CEP85L: variants seen among roughly 807,000 people sequenced by gnomAD.
CEP85L encodes the protein centrosomal protein of 85 kDa-like.
CEP85L carries 60 observed loss-of-function variants against 100.3 expected under a neutral mutation model. The observed-to-expected ratio is 0.60, with a 90% CI of 0.49 to 0.74. CEP85L has a LOEUF of 0.74. CEP85L is among the 30% of genes least tolerant of loss of function. CEP85L has a pLI of 0.00. For missense variants in CEP85L, 973 were observed against 936.2 expected (o/e 1.04, Z -0.51); for synonymous variants, 319 against 322.7 (o/e 0.99, Z 0.12).
chr6:118,551,477 G>T (rs1372607807), intron 3 of CEP85L, among the ~76,000 whole-genome samples: 1 of 151,032 alleles, frequency 6.6e-6, no homozygotes, highest in Non-Finnish European at 1.5e-5. Flanking sequence ...ACTCCTACAG[G>T]GTTAAGAAGA....
chr6:118,463,913 T>G lies in CEP85L; in HGVS notation c.*1492A>C, dbSNP rs1440020357. 1 of 152,128 alleles carries G rather than the reference T, an allele frequency of 6.6e-6. No homozygotes were observed. Among genetic ancestry groups the G allele is most frequent in the Non-Finnish European group, 1.5e-5 (1 of 67,970 alleles). 9.4% of individuals were successfully genotyped at this position (152,128 alleles called of 1,614,324 possible). A position where few individuals can be genotyped will look rare whatever the true frequency, so the allele number is the denominator to read the frequency against. ...TTAAATATTTAAGAAAAATCTTTCC[T>G]AGGAGAGCCTTTATTCTAGTATATA... On this transcript the variant is annotated 3_prime_UTR_variant, in exon 13 of 13. Coordinates refer to ENST00000368491, the MANE Select transcript of CEP85L (RefSeq NM_001042475.3).
intron 1 of CEP85L, among the ~76,000 whole-genome samples, chr6:118,707,406 A>T (rs966912460): frequency 1.3e-5 from 2 of 151,706 alleles, no homozygotes; most frequent in Non-Finnish European, 2.9e-5. Flanking sequence ...GTTGCCCAGG[A>T]TGGAATGAAA....
At chr6:118,625,527 G>A (rs1419416393) in intron 2 of CEP85L, among the ~76,000 whole-genome samples, 1 of 152,168 alleles carries the variant, frequency 6.6e-6, no homozygotes, top group Admixed American at 6.5e-5. Flanking sequence ...ATTCCCTGAT[G>A]ACCCTACAAA....
In CEP85L at chr6:118,566,444, G is replaced by A. The variant is rs1337643381; in HGVS notation, c.233-128C>T. 5.1e-6 allele frequency: 4 copies of A among 790,088 alleles called. No individual in the cohort carries two copies. The East Asian group carries it at 1.1e-4, about 21-fold the overall frequency. The allele number at this position is 790,088 out of a possible 1,614,324, so 48.9% of individuals were successfully genotyped here. On this transcript the variant is annotated intron_variant, in intron 2 of 12. Transcript: ENST00000368491. Reference sequence around the variant, plus strand: ...CACAAGCTTTTTTTTTTGAGACGTAGTTTTAGCTTGTTGCCTAGGCTGGAG... The same window carrying A: ...CACAAGCTTTTTTTTTTGAGACGTAATTTTAGCTTGTTGCCTAGGCTGGAG...
intron 2 of CEP85L, among the ~76,000 whole-genome samples, chr6:118,575,975 C>A (rs1487786298): frequency 6.6e-6 from 1 of 152,114 alleles, no homozygotes; most frequent in African/African-American, 2.4e-5. Context: ...GAAGCTCTCC[C>A]CTTCCCAAGG....
chr6:118,662,038 T>C (rs1187791772), intron 1 of CEP85L, among the ~76,000 whole-genome samples: 1 of 152,142 alleles, frequency 6.6e-6, no homozygotes, highest in Non-Finnish European at 1.5e-5. Flanking sequence ...CATAAAGCCA[T>C]TGTGAGGAAT....
intron 1 of CEP85L, among the ~76,000 whole-genome samples, chr6:118,699,187 T>C (rs1045647757): frequency 6.6e-6 from 1 of 152,160 alleles, no homozygotes; most frequent in Non-Finnish European, 1.5e-5. Context: ...GTGCAGTGGC[T>C]CATGCCTATA....
chr6:118,468,229 T>C (rs944058587), intron 12 of CEP85L, among the ~76,000 whole-genome samples: 3 of 152,198 alleles, frequency 2.0e-5, no homozygotes, highest in Admixed American at 1.3e-4. Flanking sequence ...ATAACTATTA[T>C]GATGCAAAAT....
chr6:118,620,414 G>A (rs1022355766), intron 2 of CEP85L, among the ~76,000 whole-genome samples: 6 of 152,208 alleles, frequency 3.9e-5, no homozygotes, highest in Non-Finnish European at 7.4e-5. Context: ...GTTCAGAAAG[G>A]ACAAAAAATG....
At chr6:118,633,033 T>C (rs944463005) in intron 1 of CEP85L, among the ~76,000 whole-genome samples, 1 of 152,122 alleles carries the variant, frequency 6.6e-6, no homozygotes, top group Non-Finnish European at 1.5e-5. Context: ...AAATAGGATA[T>C]CCACATGGAA....
intron 1 of CEP85L, among the ~76,000 whole-genome samples, chr6:118,703,227 C>G (rs1407958806): frequency 1.3e-5 from 2 of 151,630 alleles, no homozygotes; most frequent in African/African-American, 4.8e-5. Flanking sequence ...CTTATTTTTT[C>G]TTTCTTTTTG....
intron 2 of CEP85L, among the ~76,000 whole-genome samples, chr6:118,614,865 C>CAGATAGATAGATAGAT (rs57663206): frequency 1.3e-5 from 2 of 149,974 alleles, no homozygotes; most frequent in African/African-American, 2.5e-5. Flanking sequence ...GACAGACAGA[C>CAGATAGATAGATAGAT]AGATAGATAG....
chr6:118,691,546 A>AAG (rs1777045204), intron 1 of CEP85L, among the ~76,000 whole-genome samples: 1 of 150,614 alleles, frequency 6.6e-6, no homozygotes, highest in Admixed American at 6.6e-5. Context: ...AAAAAAAAAA[A>AAG]AAAGAAAGAA....
chr6:118,567,249 G>GTATATATATA (rs57181233), intron 2 of CEP85L, among the ~76,000 whole-genome samples: 5 of 43,776 alleles, frequency 1.1e-4, no homozygotes, highest in East Asian at 7.0e-4. Flanking sequence ...GTGTGTGTGT[G>GTATATATATA]TATATATATA....
At chr6:118,589,137 A>T in intron 2 of CEP85L, 1 of 289,948 alleles carries the variant, frequency 3.4e-6, no homozygotes, top group Non-Finnish European at 7.2e-6. Context: ...AAGAAACACA[A>T]GGCCTTCAAT....
At chr6:118,469,946 G>T (rs1047209787) in intron 11 of CEP85L, among the ~76,000 whole-genome samples, 15 of 152,034 alleles carry the variant, frequency 9.9e-5, no homozygotes, top group African/African-American at 3.4e-4. Context: ...AGGATAAAAA[G>T]AACTAAAAAG....
chr6:118,637,726 A>AAAAAAAAAT (rs397731750), intron 1 of CEP85L, among the ~76,000 whole-genome samples: 1 of 149,912 alleles, frequency 6.7e-6, no homozygotes, highest in African/African-American at 2.4e-5. Flanking sequence ...AAAAAAAAAA[A>AAAAAAAAAT]GTTGTCTATA....
chr6:118,662,580 C>T lies in CEP85L; in HGVS notation c.-27-9772G>A, dbSNP rs139939429. Among the ~76,000 whole-genome samples the T allele has an allele frequency of 6.8e-3, 1,035 of 151,520 alleles. 10 individuals are homozygous for T. The highest frequency in any genetic ancestry group is 0.012 in the Non-Finnish European group (826 of 67,890). ...GTATGAGTTATTATTATCTCCATTTCATAGATGAGGCAAATGAGTCATAGA... is the reference window on the plus strand; with the variant it reads ...GTATGAGTTATTATTATCTCCATTTTATAGATGAGGCAAATGAGTCATAGA... On this transcript the variant is annotated intron_variant, in intron 1 of 13. Transcript: ENST00000368488.
Position 118,479,019 on chromosome 6 carries a change from A to G in CEP85L, c.1914+852T>C, listed in dbSNP as rs575928354. On this transcript the variant is annotated intron_variant, in intron 10 of 12. Coordinates refer to ENST00000368491, the MANE Select transcript of CEP85L (RefSeq NM_001042475.3). ...CTTCTTGGAAAACGTGCCCAAGTGA[A>G]ATGGAAATTCCTTGAATTATGGTCC... is the stretch of plus-strand genomic sequence containing the variant. Among the ~76,000 whole-genome samples, 7 of 152,314 alleles carry G rather than the reference A, an allele frequency of 4.6e-5. No individual in the cohort carries two copies. In the South Asian group the frequency reaches 1.4e-3, roughly 32 times the overall value.
Sources: allele counts gnomAD v4.1 joint callset (sites outside exome capture counted in the v4.1 genomes callset), GRCh38; gene constraint gnomAD v4.1.1; transcripts MANE v1.5; gene names NCBI Gene and HGNC (gene_info 2026-07-23, HGNC 2026-07-21).